Variants in EPB41L1 observed in about 807,000 individuals in gnomAD.
EPB41L1 encodes erythrocyte membrane protein band 4.1 like 1, also known as band 4.1-like protein 1.
Under a neutral mutation model 97.8 loss-of-function variants are expected in EPB41L1, and 29 were observed. The observed-to-expected ratio is 0.30, with a 90% CI of 0.22 to 0.40. The LOEUF is 0.40. EPB41L1 is among the 10% of genes least tolerant of loss of function. EPB41L1 has a pLI of 1.00. For synonymous variants in EPB41L1, 383 were observed against 459.2 expected, an observed-to-expected ratio of 0.83 and a Z score of 2.12; for missense variants, 812 against 1,162.3, an observed-to-expected ratio of 0.70 and a Z score of 4.38.
At position 36,231,128 on chromosome 20, in the gene EPB41L1, C is replaced by T. The variant is rs1302032646; in HGVS notation, c.*1788C>T. The T allele has an allele frequency of 6.6e-6, 1 of 152,266 alleles. No homozygotes were observed. Among genetic ancestry groups the T allele is most frequent in the East Asian group, 1.9e-4 (1 of 5,188 alleles). The allele number at this position is 152,266 out of a possible 1,614,324, so 9.4% of individuals were successfully genotyped here. Reference sequence around the variant, plus strand: ...GCTTGGAGACCTCCCTCTCAGTCAACAGCTGAACTCTGAGCTTGTGCCCAG... The same window carrying T: ...GCTTGGAGACCTCCCTCTCAGTCAATAGCTGAACTCTGAGCTTGTGCCCAG... On this transcript the variant is annotated 3_prime_UTR_variant, in exon 22 of 22. Coordinates refer to ENST00000338074, the MANE Select transcript of EPB41L1 (RefSeq NM_012156.2).
chr20:36,207,714 G>A lies in EPB41L1; in HGVS notation c.1669-1774G>A, dbSNP rs1329997943. ...CTGCATCCTACCAGGAAGCACACAC[G>A]GAACTAGAGCCCGTGTCCCCCAATT... On this transcript the variant is annotated intron_variant, in intron 14 of 21. Coordinates refer to ENST00000338074, the MANE Select transcript of EPB41L1 (RefSeq NM_012156.2). The surrounding 1 kb of genome is among the most constrained non-coding windows in gnomAD (Gnocchi z 4.9). 8 of 1,289,932 alleles carry A rather than the reference G, an allele frequency of 6.2e-6. No individual in the cohort carries two copies. Among genetic ancestry groups the A allele is most frequent in the South Asian group, 2.5e-5 (2 of 81,038 alleles). The allele number at this position is 1,289,932 out of a possible 1,614,324, so 79.9% of individuals were successfully genotyped here.
Position 36,104,065 on chromosome 20 carries a change from T to C in EPB41L1, c.-64-8361T>C, listed in dbSNP as rs775514258. On this transcript the variant is annotated intron_variant, in intron 1 of 19. Coordinates refer to the EPB41L1 transcript ENST00000202028. ...GAGCATTGTGCTGCGGGGGCCAGGGTGAGAGACAAAAAAATAATAATAACA... is the reference window on the plus strand; with the variant it reads ...GAGCATTGTGCTGCGGGGGCCAGGGCGAGAGACAAAAAAATAATAATAACA... Among the ~76,000 whole-genome samples the C allele has an allele frequency of 5.7e-4, 86 of 152,040 alleles. 1 individual carries two copies. The highest frequency in any genetic ancestry group is 2.6e-4 in the Admixed American group (4 of 15,246).
intron 1 of EPB41L1, among the ~76,000 whole-genome samples, chr20:36,163,756 C>T (rs553637503): frequency 2.6e-5 from 4 of 152,250 alleles, no homozygotes; most frequent in South Asian, 2.1e-4. Flanking sequence ...AGGGAGCTGT[C>T]GCAGAGGGGC....
At chr20:36,137,060 C>T (rs1056837826) in intron 2 of EPB41L1, among the ~76,000 whole-genome samples, 1 of 149,550 alleles carries the variant, frequency 6.7e-6, no homozygotes, top group South Asian at 2.1e-4. Flanking sequence ...TTCTTTTTTT[C>T]CTTTTCTTTC....
intron 2 of EPB41L1, among the ~76,000 whole-genome samples, chr20:36,134,704 C>A (rs1317711384): frequency 1.3e-5 from 2 of 152,016 alleles, no homozygotes; most frequent in African/African-American, 2.4e-5. Flanking sequence ...GCTATTAGCT[C>A]CTCAGGGGTC....
rs1272208587 is a variant in EPB41L1, at chr20:36,092,641, G to A, written c.-65+1029G>A. 1 of 151,764 alleles carries A rather than the reference G, an allele frequency of 6.6e-6. No homozygotes were observed. Among genetic ancestry groups the A allele is most frequent in the African/African-American group, 2.4e-5 (1 of 41,352 alleles). The allele number at this position is 151,764 out of a possible 1,614,324, so 9.4% of individuals were successfully genotyped here. A position where few individuals can be genotyped will look rare whatever the true frequency, so the allele number is the denominator to read the frequency against. ...GGGGCGGAGCGGCGAGAGGGGGTGT[G>A]GGGGGCGGGCGAGGAGGGGGCTGAG... On this transcript the variant is annotated intron_variant, in intron 1 of 19. Coordinates refer to the EPB41L1 transcript ENST00000202028. This position sits in a 1 kb window ranked among gnomAD's most constrained non-coding sequence, Gnocchi z 7.0.
chr20:36,157,451 G>A (rs879782219), intron 1 of EPB41L1, among the ~76,000 whole-genome samples: 4 of 152,182 alleles, frequency 2.6e-5, no homozygotes, highest in African/African-American at 4.8e-5. Flanking sequence ...CTAAAGTTAC[G>A]CAGCTGGAAA....
At chr20:36,128,574 T>A (rs998271846) in intron 2 of EPB41L1, among the ~76,000 whole-genome samples, 1 of 152,200 alleles carries the variant, frequency 6.6e-6, no homozygotes, top group Non-Finnish European at 1.5e-5. Context: ...GCAGCCTTAA[T>A]TGGTACTGGC....
intron 17 of EPB41L1, among the ~76,000 whole-genome samples, chr20:36,217,336 G>T (rs2063506044): frequency 6.6e-6 from 1 of 152,194 alleles, no homozygotes. Context: ...AGTAGCCGAG[G>T]TGGCCCAGAG....
chr20:36,145,770 G>A (rs1200420876), intron 2 of EPB41L1, among the ~76,000 whole-genome samples: 2 of 152,184 alleles, frequency 1.3e-5, no homozygotes, highest in African/African-American at 4.8e-5. Context: ...TTTACATTTT[G>A]TTCCATTAAA....
rs886289285 is a variant in EPB41L1, at chr20:36,093,509, T to A, written c.-65+1897T>A. On this transcript the variant is annotated intron_variant, in intron 1 of 19. Coordinates refer to the EPB41L1 transcript ENST00000202028. This position sits in a 1 kb window ranked among gnomAD's most constrained non-coding sequence, Gnocchi z 5.4. ...GCCGCTGGGAGCTGGGCACCTGGCC[T>A]GGGCGGTGGGTGGCGGCGGCGGGGG... Among the ~76,000 whole-genome samples, 1 of 151,846 alleles carries A rather than the reference T, an allele frequency of 6.6e-6. No homozygotes were observed. The highest frequency in any genetic ancestry group is 1.5e-5 in the Non-Finnish European group (1 of 67,934).
At chr20:36,197,055 C>T (rs2062239660) in intron 13 of EPB41L1, among the ~76,000 whole-genome samples, 1 of 152,108 alleles carries the variant, frequency 6.6e-6, no homozygotes, top group Non-Finnish European at 1.5e-5. Context: ...GAACACTCCA[C>T]AGCATTCTAG....
Position 36,190,411 on chromosome 20 carries a change from C to T in EPB41L1, c.1124+37C>T. 2.5e-6 allele frequency: 4 copies of T among 1,603,456 alleles called. No homozygotes were observed. The highest frequency in any genetic ancestry group is 3.4e-6 in the Non-Finnish European group (4 of 1,171,958). On this transcript the variant is annotated intron_variant, in intron 10 of 21. Transcript: ENST00000338074. The surrounding 1 kb of genome is among the most constrained non-coding windows in gnomAD (Gnocchi z 5.8). ...CTTGGATGGGGTAATGGGGATGGGG[C>T]AGAGGCCATGTGTATGGAGGGGAGC... is the stretch of plus-strand genomic sequence containing the variant.
Position 36,185,292 on chromosome 20 carries a change from C to G in EPB41L1, c.742C>G (p.Arg248Gly). ...SELRFAPNQT[R>G]ELEERIMELH... ...GCTCCGCTTCGCCCCTAACCAGACCCGGGAGCTGGAGGAGAGGATCATGGA... is the reference window on the plus strand; with the variant it reads ...GCTCCGCTTCGCCCCTAACCAGACCGGGGAGCTGGAGGAGAGGATCATGGA... The change falls in exon 7 of 22, where the codon CGG (arginine) becomes GGG (glycine). Residue 248 changes from arginine to glycine, a missense_variant. Arg to Gly is a moderately radical substitution (Grantham distance 125). This residue lies in a region of EPB41L1 where 230 missense variants were observed against 445.2 expected (regional missense o/e 0.52). Transcript: ENST00000338074. The G allele has an allele frequency of 6.2e-7, 1 of 1,613,674 alleles. No homozygotes were observed. The highest frequency in any genetic ancestry group is 1.1e-5 in the South Asian group (1 of 91,056).
At chr20:36,177,909 G>A (rs758735415) in intron 3 of EPB41L1, 43 bp from the exon 4 acceptor site, 40 of 1,512,466 alleles carry the variant, frequency 2.6e-5, no homozygotes, top group South Asian at 2.4e-4. Context: ...GCCTCGCCCC[G>A]GGGTGTGCTT....
chr20:36,132,567 C>T (rs13040648), intron 2 of EPB41L1, among the ~76,000 whole-genome samples: 15 of 41,248 alleles, frequency 3.6e-4, no homozygotes, highest in Admixed American at 1.5e-3. Context: ...TCTTTGTGGG[C>T]GGGGGGGGGG....
Position 36,207,135 on chromosome 20 carries a change from T to C in EPB41L1, c.1669-2353T>C. On this transcript the variant is annotated intron_variant, in intron 14 of 21. Transcript: ENST00000338074. The surrounding 1 kb of genome is among the most constrained non-coding windows in gnomAD (Gnocchi z 4.9). Reference sequence around the variant, plus strand: ...AGGACCTGGCAGCTCTGGAGGAAGCTTCTCCAAGCCCAACCTCCCATGGGT... The same window carrying C: ...AGGACCTGGCAGCTCTGGAGGAAGCCTCTCCAAGCCCAACCTCCCATGGGT... The C allele has an allele frequency of 7.8e-7, 1 of 1,289,456 alleles. No homozygotes were observed. The highest frequency in any genetic ancestry group is 1.0e-6 in the Non-Finnish European group (1 of 988,578). 79.9% of individuals were successfully genotyped at this position (1,289,456 alleles called of 1,614,324 possible).
At chr20:36,196,937 C>T (rs1600883055) in intron 13 of EPB41L1, among the ~76,000 whole-genome samples, 1 of 152,316 alleles carries the variant, frequency 6.6e-6, no homozygotes, top group East Asian at 1.9e-4. Context: ...GGGAACACTA[C>T]CCATATAGGT....
chr20:36,188,233 T>C, intron 8 of EPB41L1, 114 bp from the exon 9 acceptor site: 2 of 1,434,852 alleles, frequency 1.4e-6, no homozygotes, highest in Admixed American at 1.7e-5. Context: ...GCTCTAACCC[T>C]GTTCCTGAGA....
Sources: allele counts gnomAD v4.1 joint callset (sites outside exome capture counted in the v4.1 genomes callset), GRCh38; gene constraint gnomAD v4.1.1; regional missense constraint gnomAD v4.1.1; non-coding constraint Gnocchi (gnomAD v3.1); transcripts MANE v1.5; gene names NCBI Gene and HGNC (gene_info 2026-07-23, HGNC 2026-07-21).